The following CNTN3 variants were observed in gnomAD, a reference collection of about 807,000 sequenced individuals.
The protein encoded by CNTN3 is contactin 3.
Under a neutral mutation model 119.1 loss-of-function variants are expected in CNTN3, and 60 were observed. The ratio of observed to expected loss-of-function variants is 0.50; its 90% CI spans 0.41 to 0.62. CNTN3 has a LOEUF of 0.62. Ranked by LOEUF, CNTN3 falls within the 20% of genes least tolerant of loss-of-function variation. The probability of loss-of-function intolerance (pLI) is 0.00; values close to 1 mark genes in which losing one functional copy is unlikely to be tolerated. For synonymous variants in CNTN3, 450 were observed against 438.7 expected (o/e 1.03, Z -0.32); for missense variants, 1,101 against 1,242.4 (o/e 0.89, Z 1.71).
intron 2 of CNTN3, among the ~76,000 whole-genome samples, chr3:74,510,456 T>G (rs1398940266): frequency 7.9e-5 from 12 of 152,074 alleles, no homozygotes; most frequent in Admixed American, 6.6e-4. Flanking sequence ...TTCACGAAAG[T>G]ACATACAAAA....
intron 1 of CNTN3, among the ~76,000 whole-genome samples, chr3:74,563,671 C>A (rs917585775): frequency 1.3e-5 from 2 of 152,032 alleles, no homozygotes; most frequent in Non-Finnish European, 2.9e-5. Context: ...ATGCACCTAC[C>A]CCAGATTTTG....
At chr3:74,361,852 A>C (rs750996256) in intron 11 of CNTN3, 38 bp downstream of exon 11, 5 of 1,567,562 alleles carry the variant, frequency 3.2e-6, no homozygotes, top group Non-Finnish European at 4.3e-6. Flanking sequence ...GGAAAGTGAG[A>C]GGAAAGTAAA....
intron 11 of CNTN3, among the ~76,000 whole-genome samples, chr3:74,345,222 T>A (rs555625248): frequency 2.1e-4 from 32 of 152,286 alleles, no homozygotes; most frequent in Non-Finnish European, 4.0e-4. Flanking sequence ...CCCAGTAACA[T>A]CTCAGTCCTG....
At chr3:74,419,417 T>A (rs1199218294) in intron 5 of CNTN3, among the ~76,000 whole-genome samples, 1 of 151,978 alleles carries the variant, frequency 6.6e-6, no homozygotes, top group Non-Finnish European at 1.5e-5. Flanking sequence ...ATAAAGATGC[T>A]GATACAGAAG....
rs375731120 is a variant in CNTN3, at chr3:74,285,336, G to A, written c.2673C>T (p.Ser891=). 16 of 1,609,470 alleles carry A rather than the reference G, an allele frequency of 9.9e-6. No individual in the cohort carries two copies. Among genetic ancestry groups the A allele is most frequent in the South Asian group, 3.3e-5 (3 of 90,752 alleles). The part of the protein sequence containing the change: ...AYNSAGAGPF[S]ATVNVTTKKT... ...TCTTGGTGGTTACATTAACTGTGGC[G>A]CTAAAAGGCCCAGCGCCGGCACTGT... The change falls in exon 20 of 23, where the codon AGC becomes AGT. Residue 891 remains serine, a synonymous_variant. Coordinates refer to ENST00000263665, the MANE Select transcript of CNTN3 (RefSeq NM_020872.3).
At position 74,383,292 on chromosome 3, in the gene CNTN3, T is replaced by A. The variant is rs184214443; in HGVS notation, c.455-11893A>T. On this transcript the variant is annotated intron_variant, in intron 5 of 22. Coordinates refer to ENST00000263665, the MANE Select transcript of CNTN3 (RefSeq NM_020872.3). The stretch of plus-strand genomic sequence containing the variant: ...AAATGGGTTTTCTTTCTCCCTATTA[T>A]ATTTTTCAACACTCCACCTATCTAG... Among the ~76,000 whole-genome samples, 41 of 152,290 alleles carry A rather than the reference T, an allele frequency of 2.7e-4. No individual in the cohort carries two copies. The South Asian group carries it at 6.2e-3, about 23-fold the overall frequency.
At chr3:74,343,823 T>G (rs1204300131) in intron 11 of CNTN3, among the ~76,000 whole-genome samples, 1 of 152,244 alleles carries the variant, frequency 6.6e-6, no homozygotes, top group Non-Finnish European at 1.5e-5. Context: ...GCATAAGGAT[T>G]TGCATTTTTA....
chr3:74,344,984 T>G (rs1183368480), intron 11 of CNTN3, among the ~76,000 whole-genome samples: 4 of 152,246 alleles, frequency 2.6e-5, no homozygotes, highest in Middle Eastern at 6.8e-3. Flanking sequence ...GCAATTCCAT[T>G]CATCCAATGA....
At chr3:74,514,408 G>C (rs1703417941) in intron 2 of CNTN3, among the ~76,000 whole-genome samples, 1 of 152,022 alleles carries the variant, frequency 6.6e-6, no homozygotes, top group Admixed American at 6.6e-5. Flanking sequence ...TGTTTTTGTA[G>C]CCATTATTAG....
intron 20 of CNTN3, among the ~76,000 whole-genome samples, chr3:74,272,711 T>G (rs1461666532): frequency 2.0e-5 from 3 of 152,138 alleles, no homozygotes. Flanking sequence ...TCCCATAGCT[T>G]GAAGAGAAAG....
chr3:74,297,544 A>G (rs1165885092), intron 18 of CNTN3, among the ~76,000 whole-genome samples: 1 of 152,200 alleles, frequency 6.6e-6, no homozygotes, highest in African/African-American at 2.4e-5. Flanking sequence ...AGGCTAATCA[A>G]TTAGGTCTCC....
intron 11 of CNTN3, among the ~76,000 whole-genome samples, chr3:74,351,107 A>G (rs528533748): frequency 9.8e-5 from 15 of 152,354 alleles, no homozygotes; most frequent in Non-Finnish European, 1.8e-4. Flanking sequence ...ACATAAGTAG[A>G]TAAATAAATA....
At chr3:74,598,218 T>C (rs1321022467) in intron 1 of CNTN3, among the ~76,000 whole-genome samples, 1 of 152,008 alleles carries the variant, frequency 6.6e-6, no homozygotes, top group East Asian at 1.9e-4. Flanking sequence ...ACCTTCCCTC[T>C]CTTGGAATAT....
chr3:74,415,850 A>T (rs945698177), intron 5 of CNTN3, among the ~76,000 whole-genome samples: 1 of 152,068 alleles, frequency 6.6e-6, no homozygotes, highest in Non-Finnish European at 1.5e-5. Flanking sequence ...TCTGTTCCAA[A>T]CTCTCAAATT....
At chr3:74,551,900 A>AT (rs1703997643) in intron 1 of CNTN3, among the ~76,000 whole-genome samples, 1 of 149,584 alleles carries the variant, frequency 6.7e-6, no homozygotes. Flanking sequence ...GGTAGCTGGG[A>AT]TTACAGGCAC....
intron 5 of CNTN3, among the ~76,000 whole-genome samples, chr3:74,392,751 T>C (rs186211217): frequency 4.4e-4 from 67 of 152,186 alleles, no homozygotes; most frequent in African/African-American, 1.6e-3. Context: ...ATTGATGCAA[T>C]AGAAATGGAC....
intron 11 of CNTN3, among the ~76,000 whole-genome samples, chr3:74,352,042 T>C (rs138246412): frequency 1.3e-5 from 2 of 152,180 alleles, no homozygotes; most frequent in African/African-American, 4.8e-5. Context: ...AAGAGAAGAG[T>C]TCTGCCTCCA....
At chr3:74,586,152 A>C (rs1264817794) in intron 1 of CNTN3, among the ~76,000 whole-genome samples, 1 of 152,174 alleles carries the variant, frequency 6.6e-6, no homozygotes, top group Non-Finnish European at 1.5e-5. Context: ...CAGCAAACAA[A>C]GTAGGGCAAG....
intron 4 of CNTN3, among the ~76,000 whole-genome samples, chr3:74,467,626 A>G (rs1345041339): frequency 1.3e-5 from 2 of 152,124 alleles, no homozygotes; most frequent in African/African-American, 2.4e-5. Context: ...CACACATAAT[A>G]GCGCTTTATC....
Sources: allele counts gnomAD v4.1 joint callset (sites outside exome capture counted in the v4.1 genomes callset), GRCh38; gene constraint gnomAD v4.1.1; transcripts MANE v1.5; gene names NCBI Gene and HGNC (gene_info 2026-07-23, HGNC 2026-07-21).